Variants in PSD3 observed in about 807,000 individuals in gnomAD.
PSD3 encodes pleckstrin and Sec7 domain containing 3.
A neutral mutation model predicts 105.5 loss-of-function variants in PSD3; 49 were observed. The observed-to-expected ratio is 0.46, with a 90% confidence interval of 0.37 to 0.59. PSD3 has a LOEUF of 0.59. PSD3 is among the 20% of genes least tolerant of loss of function. The pLI is 0.00. For synonymous variants in PSD3, 557 were observed against 457.8 expected (o/e 1.22, Z -2.77); for missense variants, 1,561 against 1,263.8 (o/e 1.24, Z -3.57).
At chr8:18,969,870 T>A (rs994588029) in intron 1 of PSD3, among the ~76,000 whole-genome samples, 4 of 151,594 alleles carry the variant, frequency 2.6e-5, no homozygotes, top group African/African-American at 7.3e-5. Context: ...TATAAATATT[T>A]AAAAAAAAAT....
intron 9 of PSD3, among the ~76,000 whole-genome samples, chr8:18,732,575 C>A (rs1411613068): frequency 6.6e-6 from 1 of 152,160 alleles, no homozygotes; most frequent in Admixed American, 6.5e-5. Flanking sequence ...AGCTGGAGCA[C>A]CTTGATGCTC....
chr8:18,633,281 T>G (rs920525846), intron 10 of PSD3, among the ~76,000 whole-genome samples: 3 of 152,070 alleles, frequency 2.0e-5, no homozygotes, highest in Admixed American at 2.0e-4. Context: ...GTCAGTCCAA[T>G]GGACAATAGT....
rs780874262 is a variant in PSD3, at chr8:18,534,875, A to G, written c.*868T>C. ...TCTATTCCTGGATGGAAGGATATCA[A>G]CGATAGAGATGATGGATTTCTAGTC... On this transcript the variant is annotated 3_prime_UTR_variant, in exon 16 of 16. Coordinates refer to ENST00000327040, the MANE Select transcript of PSD3 (RefSeq NM_015310.4). 3.9e-5 allele frequency: 6 copies of G among 152,730 alleles called. No homozygotes were observed. The highest frequency in any genetic ancestry group is 3.3e-4 in the Admixed American group (5 of 15,282). 9.5% of individuals were successfully genotyped at this position (152,730 alleles called of 1,614,324 possible). A position where few individuals can be genotyped will look rare whatever the true frequency, so the allele number is the denominator to read the frequency against.
intron 4 of PSD3, among the ~76,000 whole-genome samples, chr8:18,826,303 A>G (rs1298526657): frequency 6.6e-6 from 1 of 152,138 alleles, no homozygotes; most frequent in Non-Finnish European, 1.5e-5. Flanking sequence ...ACGTGAACCA[A>G]TTCCCTATAA....
intron 4 of PSD3, among the ~76,000 whole-genome samples, chr8:18,811,604 G>A (rs1811687474): frequency 6.6e-6 from 1 of 152,170 alleles, no homozygotes; most frequent in Non-Finnish European, 1.5e-5. Flanking sequence ...AGTGGTCATG[G>A]TAGGCCTCAT....
At chr8:18,618,664 A>T (rs1439698264) in intron 11 of PSD3, among the ~76,000 whole-genome samples, 1 of 150,772 alleles carries the variant, frequency 6.6e-6, no homozygotes, top group Non-Finnish European at 1.5e-5. Context: ...GATTGCTCTC[A>T]CCTTAAGGTT....
intron 8 of PSD3, among the ~76,000 whole-genome samples, chr8:18,795,701 C>T (rs1361799414): frequency 6.6e-6 from 1 of 152,172 alleles, no homozygotes; most frequent in Non-Finnish European, 1.5e-5. Context: ...ACGGTAGGAA[C>T]CTGACTAAAC....
At chr8:18,609,781 C>T (rs17126921) in intron 11 of PSD3, among the ~76,000 whole-genome samples, 31,311 of 152,128 alleles carry the variant, frequency 0.21, 3,456 homozygotes, top group Middle Eastern at 0.37. Context: ...TAAGGGTAAT[C>T]CTGTATATTA....
intron 9 of PSD3, among the ~76,000 whole-genome samples, chr8:18,690,856 G>C (rs539609604): frequency 1.3e-5 from 2 of 152,216 alleles, no homozygotes; most frequent in East Asian, 3.9e-4. Context: ...GTCCAATAAG[G>C]CTTGCCTTCA....
intron 11 of PSD3, among the ~76,000 whole-genome samples, chr8:18,605,596 G>A (rs1386618189): frequency 6.6e-6 from 1 of 152,104 alleles, no homozygotes; most frequent in Admixed American, 6.5e-5. Context: ...ATTGTATTTT[G>A]CCATGTGAGA....
intron 13 of PSD3, among the ~76,000 whole-genome samples, chr8:18,574,174 C>G (rs1802335308): frequency 6.6e-6 from 1 of 152,082 alleles, no homozygotes; most frequent in South Asian, 2.1e-4. Flanking sequence ...AAAAGTCAGC[C>G]AAAGTCATTT....
intron 1 of PSD3, among the ~76,000 whole-genome samples, chr8:19,021,377 T>A (rs935952803): frequency 2.0e-5 from 3 of 152,172 alleles, no homozygotes; most frequent in African/African-American, 7.2e-5. Context: ...CCTGTAATTC[T>A]AGCAATCTCA....
intron 11 of PSD3, among the ~76,000 whole-genome samples, chr8:18,610,896 T>C (rs1378843864): frequency 2.0e-5 from 3 of 152,268 alleles, no homozygotes; most frequent in South Asian, 2.1e-4. Flanking sequence ...CCACTATTTC[T>C]CCGCTTTTGG....
intron 2 of PSD3, among the ~76,000 whole-genome samples, chr8:18,900,097 C>T (rs1199481881): frequency 6.6e-6 from 1 of 152,192 alleles, no homozygotes; most frequent in African/African-American, 2.4e-5. Flanking sequence ...TCTACTGCTT[C>T]TTGGCTGTCT....
At chr8:18,965,731 T>C (rs1824198190) in intron 1 of PSD3, among the ~76,000 whole-genome samples, 1 of 152,178 alleles carries the variant, frequency 6.6e-6, no homozygotes, top group African/African-American at 2.4e-5. Flanking sequence ...TGAAAACATG[T>C]GAAGCCAACA....
At chr8:18,600,193 A>G (rs972203307) in intron 12 of PSD3, among the ~76,000 whole-genome samples, 171 bp downstream of exon 12, 1 of 152,200 alleles carries the variant, frequency 6.6e-6, no homozygotes, top group Non-Finnish European at 1.5e-5. Context: ...ATGCAACTTA[A>G]AACTTAAAAT....
chr8:18,606,119 C>T (rs1804807715), intron 11 of PSD3, among the ~76,000 whole-genome samples: 1 of 152,196 alleles, frequency 6.6e-6, no homozygotes, highest in Admixed American at 6.5e-5. Context: ...CTTTGAGCTT[C>T]CTGTGTATTA....
chr8:18,814,972 GT>G (rs1393978063), intron 4 of PSD3, among the ~76,000 whole-genome samples: 1 of 152,188 alleles, frequency 6.6e-6, no homozygotes, highest in Non-Finnish European at 1.5e-5. Flanking sequence ...ATCTTAAACA[GT>G]TTGTTTAGTG....
chr8:18,722,005 C>T (rs1803008905), intron 9 of PSD3, among the ~76,000 whole-genome samples: 2 of 151,936 alleles, frequency 1.3e-5, no homozygotes, highest in East Asian at 3.9e-4. Flanking sequence ...AAGCGGAAGC[C>T]AATTTATTGT....
Sources: allele counts gnomAD v4.1 joint callset (sites outside exome capture counted in the v4.1 genomes callset), GRCh38; gene constraint gnomAD v4.1.1; transcripts MANE v1.5; gene names NCBI Gene and HGNC (gene_info 2026-07-23, HGNC 2026-07-21).